COL21A1: variants seen among roughly 807,000 people sequenced by gnomAD.
COL21A1 encodes the protein collagen alpha-1(XXI) chain.
In COL21A1, 149 loss-of-function variants were observed where a neutral mutation model predicts 137.9. That is an observed-to-expected ratio of 1.08 (90% CI 0.95 to 1.24). The LOEUF (loss-of-function observed/expected upper bound fraction) is 1.24. Among genes scored for constraint, COL21A1 ranks in the 50% most tolerant of loss-of-function variants. COL21A1 has a pLI of 0.00. For synonymous variants in COL21A1, 456 were observed against 391.5 expected (o/e 1.16, Z -1.95); for missense variants, 1,167 against 1,158.4 (o/e 1.01, Z -0.11).
intron 1 of COL21A1, chr6:56,276,560 TTA>T: frequency 5.2e-6 from 7 of 1,355,586 alleles, no homozygotes; most frequent in Non-Finnish European, 1.1e-6. Context: ...AAATTTGTAC[TTA>T]ATGCCTTTCT....
intron 1 of COL21A1, among the ~76,000 whole-genome samples, chr6:56,387,249 C>T (rs746373113): frequency 7.2e-5 from 11 of 152,074 alleles, no homozygotes; most frequent in Non-Finnish European, 1.5e-4. Context: ...TATTCGTCAC[C>T]CTGTTTTACA....
At chr6:56,131,805 G>C (rs146387314) in intron 12 of COL21A1, among the ~76,000 whole-genome samples, 9 of 152,214 alleles carry the variant, frequency 5.9e-5, no homozygotes, top group Admixed American at 2.0e-4. Flanking sequence ...GCTGTTGAGA[G>C]AGTTATTATA....
chr6:56,153,656 A>C (rs538511863), intron 10 of COL21A1, among the ~76,000 whole-genome samples: 2 of 151,924 alleles, frequency 1.3e-5, no homozygotes, highest in East Asian at 3.9e-4. Context: ...CTGAAATCCT[A>C]CTCATCAAGG....
rs1317076510 is a variant in COL21A1 at position 56,130,499 on chromosome 6, T to C, written c.1543-4350A>G. ...AAAACTATAGAAGAAAGAGGTAAGC[T>C]GAGATTCCCTATTAAGGCTGAACAA... On this transcript the variant is annotated intron_variant, in intron 12 of 29. Coordinates refer to ENST00000244728, the MANE Select transcript of COL21A1 (RefSeq NM_030820.4). Among the ~76,000 whole-genome samples the C allele has an allele frequency of 3.3e-5, 5 of 152,068 alleles. No homozygotes were observed. In the East Asian group the frequency reaches 9.7e-4, roughly 29 times the overall value.
At chr6:56,373,598 T>C (rs1311077135) in intron 1 of COL21A1, among the ~76,000 whole-genome samples, 1 of 152,136 alleles carries the variant, frequency 6.6e-6, no homozygotes, top group Non-Finnish European at 1.5e-5. Flanking sequence ...CGAGACTCTG[T>C]CTCAAAAAAC....
At chr6:56,170,426 G>A (rs553771879) in intron 5 of COL21A1, among the ~76,000 whole-genome samples, 1 of 151,944 alleles carries the variant, frequency 6.6e-6, no homozygotes, top group Admixed American at 6.6e-5. Flanking sequence ...CTAGTAGTAG[G>A]CACTCAAAAT....
At chr6:56,357,533 T>C (rs905353767) in intron 1 of COL21A1, among the ~76,000 whole-genome samples, 1 of 152,156 alleles carries the variant, frequency 6.6e-6, no homozygotes, top group African/African-American at 2.4e-5. Context: ...GAAAAACAAA[T>C]AAAGATGAAT....
intron 1 of COL21A1, among the ~76,000 whole-genome samples, chr6:56,238,664 C>T (rs1782068646): frequency 6.6e-6 from 1 of 152,046 alleles, no homozygotes; most frequent in Non-Finnish European, 1.5e-5. Flanking sequence ...TGCCCTGCCA[C>T]CTTCAGCAGA....
At chr6:56,279,253 G>A (rs1402437483) in intron 1 of COL21A1, among the ~76,000 whole-genome samples, 1 of 152,066 alleles carries the variant, frequency 6.6e-6, no homozygotes, top group Non-Finnish European at 1.5e-5. Context: ...ATGATTGTAA[G>A]TTTTCTGAGG....
intron 1 of COL21A1, among the ~76,000 whole-genome samples, chr6:56,368,031 T>C (rs1396580001): frequency 6.6e-6 from 1 of 152,192 alleles, no homozygotes; most frequent in Non-Finnish European, 1.5e-5. Context: ...TTCTTAAAGG[T>C]ATATCATAAA....
At chr6:56,216,378 A>C (rs898624834) in intron 1 of COL21A1, among the ~76,000 whole-genome samples, 38 of 152,034 alleles carry the variant, frequency 2.5e-4, no homozygotes, top group African/African-American at 8.7e-4. Context: ...GTAGACCCAA[A>C]AGTTGATACA....
chr6:56,290,779 C>T (rs1764023611), intron 1 of COL21A1, among the ~76,000 whole-genome samples: 1 of 152,094 alleles, frequency 6.6e-6, no homozygotes, highest in East Asian at 1.9e-4. Flanking sequence ...GGATTACAGG[C>T]GTGAGCCACC....
chr6:56,322,884 CAA>C (rs386407164), intron 1 of COL21A1, among the ~76,000 whole-genome samples: 7,855 of 129,716 alleles, frequency 0.061, 283 homozygotes, highest in Non-Finnish European at 0.085. Context: ...CCTCTGCTAT[CAA>C]AAAAAAAAAA....
At chr6:56,275,794 G>A (rs74526188) in intron 1 of COL21A1, among the ~76,000 whole-genome samples, 23 of 152,174 alleles carry the variant, frequency 1.5e-4, no homozygotes, top group Admixed American at 1.1e-3. Flanking sequence ...TGACTTCAGC[G>A]ACTGTAGAAA....
chr6:56,058,737 C>T (rs560959328), intron 29 of COL21A1, among the ~76,000 whole-genome samples: 3 of 152,244 alleles, frequency 2.0e-5, no homozygotes, highest in African/African-American at 4.8e-5. Context: ...CTCCCAATAA[C>T]GTCATGATGG....
intron 1 of COL21A1, among the ~76,000 whole-genome samples, chr6:56,374,630 G>A (rs1435284454): frequency 2.0e-5 from 3 of 150,180 alleles, no homozygotes; most frequent in Non-Finnish European, 4.4e-5. Flanking sequence ...GCTGAGGCAG[G>A]AGAATCTCTT....
intron 1 of COL21A1, among the ~76,000 whole-genome samples, chr6:56,311,031 G>A (rs1288948887): frequency 6.6e-6 from 1 of 152,080 alleles, no homozygotes; most frequent in Non-Finnish European, 1.5e-5. Context: ...ACGGCTATTA[G>A]GTTTTAAAAG....
In COL21A1 at chr6:56,278,160, A is replaced by G. The variant is rs1479369461; in HGVS notation, c.-38-95504T>C. 5.3e-5 allele frequency among the ~76,000 whole-genome samples: 8 copies of G among 152,210 alleles called. No homozygotes were observed. The South Asian group carries it at 1.0e-3, about 20-fold the overall frequency. ...AAGTAAACAAGTGCCAGAAACGCTC[A>G]TCTTTCCTTTCCCATAAGAATTCTT... On this transcript the variant is annotated intron_variant, in intron 1 of 28. Transcript: ENST00000370819.
chr6:56,324,082 T>C (rs182582082), intron 1 of COL21A1, among the ~76,000 whole-genome samples: 13 of 152,214 alleles, frequency 8.5e-5, no homozygotes, highest in Admixed American at 8.5e-4. Context: ...GAAACACAGA[T>C]GTAGGAAATA....
Sources: gnomAD v4.1 joint callset for allele counts (sites outside exome capture counted in the v4.1 genomes callset) on GRCh38, gnomAD v4.1.1 for gene constraint, MANE v1.5 for transcripts, NCBI Gene and HGNC (gene_info 2026-07-23, HGNC 2026-07-21) for gene names.